CSGALNACT1: variants seen among roughly 807,000 people sequenced by gnomAD.
CSGALNACT1 encodes the protein chondroitin sulfate N-acetylgalactosaminyltransferase 1.
In CSGALNACT1, 52 loss-of-function variants were observed where a neutral mutation model predicts 51.0. The ratio of observed to expected loss-of-function variants is 1.02; its 90% CI spans 0.82 to 1.29. CSGALNACT1 has a LOEUF of 1.29. CSGALNACT1 is among the 50% of genes most tolerant of loss of function. CSGALNACT1 has a pLI of 0.00. For missense variants in CSGALNACT1, 935 were observed against 679.2 expected, an observed-to-expected ratio of 1.38 and a Z score of -4.19; for synonymous variants, 341 against 254.4, an observed-to-expected ratio of 1.34 and a Z score of -3.24.
At chr8:19,405,254 T>C (rs755452762) in exon 10 of CSGALNACT1, 17 of 453,562 alleles carry the variant, frequency 3.7e-5, no homozygotes, top group South Asian at 2.2e-4. Context: ...ACGATATTTA[T>C]GGTTTCTTTT....
intron 4 of CSGALNACT1, among the ~76,000 whole-genome samples, chr8:19,499,358 C>T (rs1228427054): frequency 6.6e-6 from 1 of 152,114 alleles, no homozygotes; most frequent in African/African-American, 2.4e-5. Flanking sequence ...AGGACTGAGC[C>T]TCACTCAGCT....
intron 3 of CSGALNACT1, among the ~76,000 whole-genome samples, chr8:19,559,216 T>C (rs965781993): frequency 7.2e-5 from 11 of 152,174 alleles, no homozygotes; most frequent in South Asian, 2.1e-4. Context: ...TCCAGTAATA[T>C]ATATCATGAC....
intron 1 of CSGALNACT1, among the ~76,000 whole-genome samples, chr8:19,696,606 G>C (rs1035688880): frequency 3.9e-5 from 6 of 152,184 alleles, no homozygotes; most frequent in Non-Finnish European, 5.9e-5. Context: ...TCAGACCGCA[G>C]CTTGCTACTT....
Position 19,520,186 on chromosome 8 carries a change from G to C in CSGALNACT1, c.-296-14056C>G, listed in dbSNP as rs142329205. Among the ~76,000 whole-genome samples the C allele has an allele frequency of 4.4e-3, 668 of 152,280 alleles. 4 individuals carry two copies. Among genetic ancestry groups the C allele is most frequent in the African/African-American group, 0.015 (640 of 41,544 alleles). ...TTTTAGAAAGTGGTTATTATAGAAC[G>C]GGACTACAGAATGCACGTATTGTGC... On this transcript the variant is annotated intron_variant, in intron 3 of 9. Coordinates refer to ENST00000454498, the Ensembl canonical transcript of CSGALNACT1.
upstream of CSGALNACT1, among the ~76,000 whole-genome samples, chr8:19,604,089 T>A (rs972981346): frequency 1.3e-5 from 2 of 152,114 alleles, no homozygotes; most frequent in Admixed American, 6.5e-5. Context: ...AAAGTACATG[T>A]CTCCTTAGCC....
intron 1 of CSGALNACT1, among the ~76,000 whole-genome samples, chr8:19,679,845 C>A (rs1326685410): frequency 1.3e-5 from 2 of 152,146 alleles, no homozygotes; most frequent in Non-Finnish European, 2.9e-5. Context: ...GAAATAACTT[C>A]ACACACTCTC....
At chr8:19,741,274 G>C (rs2064295721) in intron 1 of CSGALNACT1, among the ~76,000 whole-genome samples, 1 of 152,194 alleles carries the variant, frequency 6.6e-6, no homozygotes, top group Non-Finnish European at 1.5e-5. Flanking sequence ...GAGGTGAAAA[G>C]GGAGTCTTAG....
intron 1 of CSGALNACT1, among the ~76,000 whole-genome samples, chr8:19,694,297 G>C (rs558534246): frequency 1.9e-4 from 29 of 152,268 alleles, no homozygotes; most frequent in Non-Finnish European, 3.4e-4. Flanking sequence ...ACCCACATAA[G>C]TGTAGTAAGT....
intron 3 of CSGALNACT1, among the ~76,000 whole-genome samples, chr8:19,517,354 C>G (rs143889747): frequency 2.0e-5 from 3 of 152,084 alleles, no homozygotes; most frequent in Non-Finnish European, 1.5e-5. Context: ...GCAGGAGAAT[C>G]GCTTGAATCT....
intron 4 of CSGALNACT1, among the ~76,000 whole-genome samples, chr8:19,469,398 GAA>G (rs2067550287): frequency 6.6e-6 from 1 of 151,986 alleles, no homozygotes; most frequent in Admixed American, 6.6e-5. Flanking sequence ...CTCAAAAAAA[GAA>G]AGAGAAAGAA....
At chr8:19,540,576 A>C (rs924438346) in intron 3 of CSGALNACT1, among the ~76,000 whole-genome samples, 1 of 152,202 alleles carries the variant, frequency 6.6e-6, no homozygotes, top group Non-Finnish European at 1.5e-5. Flanking sequence ...AAGCAACATA[A>C]GGAAAAATTT....
At chr8:19,650,881 A>G (rs1489065073) in intron 1 of CSGALNACT1, among the ~76,000 whole-genome samples, 3 of 152,208 alleles carry the variant, frequency 2.0e-5, no homozygotes, top group Non-Finnish European at 4.4e-5. Context: ...TCAGGTGAAG[A>G]GTCACGAGTT....
chr8:19,501,668 G>A (rs1033344372), intron 4 of CSGALNACT1, among the ~76,000 whole-genome samples: 1 of 152,240 alleles, frequency 6.6e-6, no homozygotes, highest in African/African-American at 2.4e-5. Context: ...TTGTGAAAGA[G>A]AGTTCGGAAA....
chr8:19,688,186 C>G (rs987866125), intron 1 of CSGALNACT1, among the ~76,000 whole-genome samples: 7 of 152,006 alleles, frequency 4.6e-5, no homozygotes, highest in African/African-American at 1.7e-4. Context: ...TTCTTGAAGC[C>G]CTGTGTCTTC....
At chr8:19,543,637 T>C (rs1165569816) in intron 3 of CSGALNACT1, among the ~76,000 whole-genome samples, 1 of 152,194 alleles carries the variant, frequency 6.6e-6, no homozygotes, top group Non-Finnish European at 1.5e-5. Context: ...TGTGGCTGCA[T>C]GTTTCCCAGC....
chr8:19,532,184 C>A (rs910604805), intron 3 of CSGALNACT1, among the ~76,000 whole-genome samples: 4 of 141,250 alleles, frequency 2.8e-5, no homozygotes, highest in Admixed American at 1.4e-4. Flanking sequence ...AAAAAAAAAA[C>A]ATGTTTGTTT....
intron 1 of CSGALNACT1, among the ~76,000 whole-genome samples, chr8:19,615,154 A>C (rs995223047): frequency 6.6e-6 from 1 of 152,216 alleles, no homozygotes; most frequent in African/African-American, 2.4e-5. Context: ...AAATACAAAA[A>C]TTAACCAGGC....
upstream of CSGALNACT1, chr8:19,682,877 C>A (rs1451387898): frequency 1.1e-5 from 4 of 370,470 alleles, no homozygotes; most frequent in Admixed American, 1.3e-4. Context: ...ACAGGTCCAA[C>A]TGCAGACCGC....
chr8:19,431,824 TA>T (rs1563358956), intron 6 of CSGALNACT1, among the ~76,000 whole-genome samples: 1 of 145,496 alleles, frequency 6.9e-6, no homozygotes, highest in Non-Finnish European at 1.5e-5. Flanking sequence ...TTTTTTTTTT[TA>T]ATTAAATCAA....
Sources: gnomAD v4.1 joint callset for allele counts (sites outside exome capture counted in the v4.1 genomes callset) on GRCh38, gnomAD v4.1.1 for gene constraint, MANE v1.5 for transcripts, NCBI Gene and HGNC (gene_info 2026-07-23, HGNC 2026-07-21) for gene names.